Variants in DPP10 observed in about 807,000 individuals in gnomAD.
DPP10 encodes the protein inactive dipeptidyl peptidase 10.
DPP10 carries 33 observed loss-of-function variants against 120.9 expected under a neutral mutation model. That is an observed-to-expected ratio of 0.27 (90% confidence interval 0.21 to 0.37). The LOEUF (loss-of-function observed/expected upper bound fraction) is 0.37. Among genes scored for constraint, DPP10 ranks in the 10% least tolerant of loss-of-function variants. The pLI is 1.00. For synonymous variants in DPP10, 337 were observed against 326.1 expected (o/e 1.03, Z -0.36); for missense variants, 816 against 942.8 (o/e 0.87, Z 1.76).
At chr2:114,829,624 G>GTC (rs1305591164) in intron 1 of DPP10, among the ~76,000 whole-genome samples, 2 of 150,798 alleles carry the variant, frequency 1.3e-5, no homozygotes, top group African/African-American at 4.9e-5. Flanking sequence ...TGGTCCTCCC[G>GTC]TCTCAGCCTC....
chr2:114,978,078 T>C (rs1411134997), intron 1 of DPP10, among the ~76,000 whole-genome samples: 1 of 152,116 alleles, frequency 6.6e-6, no homozygotes, highest in Non-Finnish European at 1.5e-5. Flanking sequence ...AGTGAGGGTA[T>C]TAGCAGTTTT....
intron 3 of DPP10, among the ~76,000 whole-genome samples, chr2:115,486,388 A>G (rs1574987051): frequency 6.6e-6 from 1 of 152,180 alleles, no homozygotes; most frequent in Non-Finnish European, 1.5e-5. Flanking sequence ...CAATTGGACA[A>G]TGTCAACAAT....
At position 115,013,565 on chromosome 2, in the gene DPP10, G is replaced by T. The variant is rs183679922; in HGVS notation, c.61-295674G>T. On this transcript the variant is annotated intron_variant, in intron 1 of 25. Transcript: ENST00000410059. Reference sequence around the variant, plus strand: ...TGTCTTGCTAAGAGTCAAACACATCGGTGGGCTGTATTTAGGAGACTCATC... The same window carrying T: ...TGTCTTGCTAAGAGTCAAACACATCTGTGGGCTGTATTTAGGAGACTCATC... 2.7e-4 allele frequency among the ~76,000 whole-genome samples: 41 copies of T among 151,408 alleles called. 1 individual carries two copies. The East Asian group carries it at 7.0e-3, about 26-fold the overall frequency.
intron 1 of DPP10, among the ~76,000 whole-genome samples, chr2:114,947,226 G>C (rs1393201210): frequency 6.6e-6 from 1 of 151,900 alleles, no homozygotes; most frequent in African/African-American, 2.4e-5. Flanking sequence ...ACCTGGATTG[G>C]TGATTGTTGT....
At chr2:115,424,402 A>G (rs2070264257) in intron 3 of DPP10, among the ~76,000 whole-genome samples, 1 of 151,944 alleles carries the variant, frequency 6.6e-6, no homozygotes, top group African/African-American at 2.4e-5. Context: ...TAATTTTATT[A>G]TTTTCTAAAA....
At chr2:115,758,688 AT>A (rs1184033047) in intron 11 of DPP10, among the ~76,000 whole-genome samples, 1 of 152,134 alleles carries the variant, frequency 6.6e-6, no homozygotes, top group Non-Finnish European at 1.5e-5. Flanking sequence ...GCCCTACCTG[AT>A]TTCAAGAATA....
chr2:115,767,350 A>T (rs1026366673), intron 12 of DPP10, among the ~76,000 whole-genome samples: 2 of 152,136 alleles, frequency 1.3e-5, no homozygotes, highest in African/African-American at 4.8e-5. Context: ...GCCTTTCTTT[A>T]TACCATATAT....
chr2:114,487,551 T>G (rs567208874), intron 1 of DPP10, among the ~76,000 whole-genome samples: 10 of 152,184 alleles, frequency 6.6e-5, no homozygotes, highest in Non-Finnish European at 1.3e-4. Context: ...ACTATTAAGT[T>G]TCAGTTAATT....
At chr2:115,591,779 A>G (rs1303939240) in intron 5 of DPP10, among the ~76,000 whole-genome samples, 1 of 152,156 alleles carries the variant, frequency 6.6e-6, no homozygotes, top group Non-Finnish European at 1.5e-5. Context: ...AATTCTTCCT[A>G]TCCATGAGCA....
chr2:115,449,850 G>A (rs2072956924), intron 3 of DPP10, among the ~76,000 whole-genome samples: 1 of 152,056 alleles, frequency 6.6e-6, no homozygotes, highest in African/African-American at 2.4e-5. Flanking sequence ...AAATTAGTCT[G>A]TACTATAGTT....
intron 1 of DPP10, among the ~76,000 whole-genome samples, chr2:114,793,271 A>T (rs1337614363): frequency 6.6e-6 from 1 of 152,000 alleles, no homozygotes; most frequent in Non-Finnish European, 1.5e-5. Flanking sequence ...TACATTAGGT[A>T]TTTCTCCTAA....
chr2:115,582,622 T>G (rs2149132977), intron 5 of DPP10, among the ~76,000 whole-genome samples: 1 of 152,330 alleles, frequency 6.6e-6, no homozygotes, highest in Non-Finnish European at 1.5e-5. Flanking sequence ...CGTAAAATAA[T>G]AGATTTGTTG....
chr2:115,609,929 G>A (rs2083975680), intron 5 of DPP10, among the ~76,000 whole-genome samples: 1 of 152,156 alleles, frequency 6.6e-6, no homozygotes, highest in Admixed American at 6.5e-5. Flanking sequence ...AATTAATACA[G>A]AATATCTAAA....
intron 1 of DPP10, among the ~76,000 whole-genome samples, chr2:115,029,393 C>A (rs1395673516): frequency 6.6e-6 from 1 of 150,620 alleles, no homozygotes; most frequent in Non-Finnish European, 1.5e-5. Context: ...CTAGGTTTGT[C>A]TGTGTACTTA....
chr2:115,639,062 G>T (rs186442195), intron 5 of DPP10, among the ~76,000 whole-genome samples: 2 of 152,260 alleles, frequency 1.3e-5, no homozygotes, highest in East Asian at 3.9e-4. Flanking sequence ...ACAGCCAAAT[G>T]CCCAGTGGTA....
At chr2:114,546,800 A>G (rs1439630207) in intron 1 of DPP10, among the ~76,000 whole-genome samples, 1 of 152,234 alleles carries the variant, frequency 6.6e-6, no homozygotes, top group East Asian at 1.9e-4. Flanking sequence ...TACCTGGCAT[A>G]ACCTCGTTTT....
At chr2:115,548,289 T>C (rs2079637474) in intron 5 of DPP10, among the ~76,000 whole-genome samples, 1 of 152,136 alleles carries the variant, frequency 6.6e-6, no homozygotes, top group Non-Finnish European at 1.5e-5. Flanking sequence ...AAAAGTGGAA[T>C]AAAATTATGA....
chr2:114,465,491 A>G (rs1384797718), intron 1 of DPP10, among the ~76,000 whole-genome samples: 2 of 152,164 alleles, frequency 1.3e-5, no homozygotes, highest in Non-Finnish European at 2.9e-5. Flanking sequence ...CTCCCAGCCA[A>G]TGGCTGCTGC....
intron 5 of DPP10, among the ~76,000 whole-genome samples, chr2:115,638,275 T>C (rs1475047300): frequency 6.6e-6 from 1 of 152,144 alleles, no homozygotes; most frequent in Non-Finnish European, 1.5e-5. Flanking sequence ...GAAGGGTTGG[T>C]AGTGGGTGAT....
Sources: gnomAD v4.1 joint callset for allele counts (sites outside exome capture counted in the v4.1 genomes callset) on GRCh38, gnomAD v4.1.1 for gene constraint, MANE v1.5 for transcripts, NCBI Gene and HGNC (gene_info 2026-07-23, HGNC 2026-07-21) for gene names.